SOD2: variants seen among roughly 807,000 people sequenced by gnomAD.
SOD2 encodes the protein superoxide dismutase 2, also known as superoxide dismutase [Mn], mitochondrial.
SOD2 carries 11 observed loss-of-function variants against 27.0 expected under a neutral mutation model. The observed-to-expected ratio is 0.41, with a 90% CI of 0.26 to 0.67. SOD2 has a LOEUF of 0.67. Ranked by LOEUF, SOD2 falls within the 30% of genes least tolerant of loss-of-function variation. SOD2 has a pLI of 0.34. For missense variants in SOD2, 250 were observed against 274.5 expected (o/e 0.91, Z 0.63); for synonymous variants, 105 against 103.0 (o/e 1.02, Z -0.12).
In SOD2 at chr6:159,673,362, C is replaced by T. The variant is rs1256967826; in HGVS notation, c.*9131G>A. 6.6e-6 allele frequency: 1 copy of T among 152,164 alleles called. No homozygotes were observed. Among genetic ancestry groups the T allele is most frequent in the African/African-American group, 2.4e-5 (1 of 41,444 alleles). The allele number at this position is 152,164 out of a possible 1,614,324, so 9.4% of individuals were successfully genotyped here. ...ACATAGTTGGAAGTAAAGCACTCCT[C>T]AGCAAATGTAAAAGAACAGAAATTA... On this transcript the variant is annotated 3_prime_UTR_variant, in exon 5 of 5. Transcript: ENST00000538183.
rs1219697493 is a variant in SOD2, at chr6:159,672,749, C to A, written c.*9744G>T. On this transcript the variant is annotated 3_prime_UTR_variant, in exon 5 of 5. Coordinates refer to ENST00000538183, the MANE Select transcript of SOD2 (RefSeq NM_000636.4). ...TCAAATTCACACATAACAATATTAA[C>A]CTTAAATGTAAATGGGCTAAATGCT... The A allele has an allele frequency of 6.6e-6, 1 of 152,072 alleles. No individual in the cohort carries two copies. The highest frequency in any genetic ancestry group is 2.4e-5 in the African/African-American group (1 of 41,402). 9.4% of individuals were successfully genotyped at this position (152,072 alleles called of 1,614,324 possible). A position where few individuals can be genotyped will look rare whatever the true frequency, so the allele number is the denominator to read the frequency against.
In SOD2 at chr6:159,684,905, G is replaced by A. The variant is rs1176281575; in HGVS notation, c.472C>T (p.His158Tyr). The A allele has an allele frequency of 1.2e-6, 2 of 1,613,230 alleles. No homozygotes were observed. Among genetic ancestry groups the A allele is most frequent in the Admixed American group, 3.3e-5 (2 of 59,908 alleles). ...GWLGFNKERG[H>Y]LQIAACPNQD... Reference sequence around the variant, plus strand: ...TTTGGACAAGCAGCAATTTGTAAGTGTCCCCGTTCCTTATTGAAACCAAGC... The same window carrying A: ...TTTGGACAAGCAGCAATTTGTAAGTATCCCCGTTCCTTATTGAAACCAAGC... The change falls in exon 4 of 5, where the codon CAC becomes TAC. Residue 158 changes from histidine (H) to tyrosine (Y), a missense_variant. Coordinates refer to ENST00000538183, the MANE Select transcript of SOD2 (RefSeq NM_000636.4).
chr6:159,681,768 C>T lies in SOD2; in HGVS notation c.*725G>A, dbSNP rs1349430956. On this transcript the variant is annotated 3_prime_UTR_variant, in exon 5 of 5. Transcript: ENST00000538183. ...TTACCACTGCCTTTAAATACTCTAG[C>T]TTGTAGGTCATCATGGAGATTGGGT... 6.6e-6 allele frequency: 1 copy of T among 152,240 alleles called. No homozygotes were observed. Among genetic ancestry groups the T allele is most frequent in the Non-Finnish European group, 1.5e-5 (1 of 68,062 alleles). 9.4% of individuals were successfully genotyped at this position (152,240 alleles called of 1,614,324 possible). A position where few individuals can be genotyped will look rare whatever the true frequency, so the allele number is the denominator to read the frequency against.
At chr6:159,687,055 A>G (rs904723919) in intron 3 of SOD2, among the ~76,000 whole-genome samples, 1 of 152,256 alleles carries the variant, frequency 6.6e-6, no homozygotes, top group Non-Finnish European at 1.5e-5. Flanking sequence ...ATCAGTTAGG[A>G]AAGAGTGAAA....
At chr6:159,708,911 A>C (rs1484988939) in intron 1 of SOD2, among the ~76,000 whole-genome samples, 1 of 152,220 alleles carries the variant, frequency 6.6e-6, no homozygotes, top group African/African-American at 2.4e-5. Context: ...CTGGTACCAA[A>C]ACAGAGATAT....
At chr6:159,711,781 CCACTCACATTGCTCTGAT>C (rs546357348) in intron 1 of SOD2, among the ~76,000 whole-genome samples, 860 of 52,318 alleles carry the variant, frequency 0.016, 1 homozygote, top group South Asian at 0.032. Context: ...TCCATAACCA[CCACTCACATTGCTCTGAT>C]CACCATAACC....
At chr6:159,731,587 A>G (rs1778573124), upstream of SOD2, among the ~76,000 whole-genome samples, 1 of 152,376 alleles carries the variant, frequency 6.6e-6, no homozygotes, top group South Asian at 2.1e-4. Flanking sequence ...TATGATTATT[A>G]TCCTCAACCT....
At chr6:159,708,785 G>C (rs1777674818) in intron 1 of SOD2, among the ~76,000 whole-genome samples, 1 of 152,106 alleles carries the variant, frequency 6.6e-6, no homozygotes, top group Non-Finnish European at 1.5e-5. Flanking sequence ...AGTTCACATG[G>C]AACCAAAAAA....
At chr6:159,713,891 C>A in intron 1 of SOD2, 1 of 972,552 alleles carries the variant, frequency 1.0e-6, no homozygotes, top group South Asian at 1.5e-5. Flanking sequence ...TTGTATTTTG[C>A]AATCAGAGAA....
intron 2 of SOD2, 68 bp downstream of exon 2, chr6:159,692,593 T>C: frequency 6.3e-6 from 10 of 1,598,336 alleles, no homozygotes; most frequent in Non-Finnish European, 8.5e-6. Flanking sequence ...GGCCCGTCCG[T>C]ATGGGGCCTG....
chr6:159,762,227 G>A (rs899473075), exon 1 of SOD2: 27 of 1,464,996 alleles, frequency 1.8e-5, no homozygotes, highest in Non-Finnish European at 2.5e-5. Context: ...TGTAGGAGAG[G>A]GGCGTATGTG....
upstream of SOD2, chr6:159,748,374 A>T: frequency 6.2e-7 from 1 of 1,613,552 alleles, no homozygotes; most frequent in Non-Finnish European, 8.5e-7. The surrounding 1 kb of genome is among the most constrained non-coding windows in gnomAD (Gnocchi z 5.6). Flanking sequence ...TGATAGGTAA[A>T]CAAATCATAC....
rs1301421564 is a variant in SOD2 at position 159,677,662 on chromosome 6, C to G, written c.*4831G>C. 1.3e-5 allele frequency: 2 copies of G among 152,164 alleles called. No homozygotes were observed. 9.4% of individuals were successfully genotyped at this position (152,164 alleles called of 1,614,324 possible). ...TAAGAGACAGGGTCTCACACTGTCA[C>G]CCAGGCTGGAGTGCAGTAGCACAAT... On this transcript the variant is annotated 3_prime_UTR_variant, in exon 5 of 5. Coordinates refer to ENST00000538183, the MANE Select transcript of SOD2 (RefSeq NM_000636.4).
In SOD2 at chr6:159,711,989, G is replaced by A. The variant is rs560831436; in HGVS notation, c.-116+15140C>T. 6.0e-5 allele frequency among the ~76,000 whole-genome samples: 5 copies of A among 83,738 alleles called. 1 individual carries two copies. Among genetic ancestry groups the A allele is most frequent in the African/African-American group, 5.4e-5 (1 of 18,676 alleles). The allele number at this position is 83,738 out of a possible 152,430, so 54.9% of individuals were successfully genotyped here. A position where few individuals can be genotyped will look rare whatever the true frequency, so the allele number is the denominator to read the frequency against. ...CACCTCCATAACCACCACTCACACT[G>A]CTCAGACCTCCATAACCACCTCCAT... On this transcript the variant is annotated intron_variant, in intron 1 of 2. Coordinates refer to the SOD2 transcript ENST00000401980.
intron 2 of SOD2, among the ~76,000 whole-genome samples, chr6:159,689,943 G>C (rs1481740720): frequency 6.6e-6 from 1 of 150,448 alleles, no homozygotes; most frequent in Non-Finnish European, 1.5e-5. Context: ...CTGGGCGACA[G>C]GGCAATACTC....
chr6:159,708,894 C>T (rs1472302786), intron 1 of SOD2, among the ~76,000 whole-genome samples: 1 of 152,192 alleles, frequency 6.6e-6, no homozygotes. Context: ...ACCAAAACAG[C>T]ATAGTACTGG....
intron 1 of SOD2, among the ~76,000 whole-genome samples, chr6:159,714,309 C>T (rs1562440010): frequency 6.6e-6 from 1 of 152,158 alleles, no homozygotes. Context: ...CTCCAGAAAC[C>T]CAATGACCTT....
At chr6:159,733,672 G>A (rs1184037052) in intron 1 of SOD2, among the ~76,000 whole-genome samples, 2 of 151,344 alleles carry the variant, frequency 1.3e-5, no homozygotes, top group Non-Finnish European at 2.9e-5. Flanking sequence ...CCCAGCACTT[G>A]GGAGGCTGAG....
chr6:159,675,883 A>G lies in SOD2; in HGVS notation c.*6610T>C, dbSNP rs1274143077. 6.6e-6 allele frequency: 1 copy of G among 152,330 alleles called. No individual in the cohort carries two copies. Among genetic ancestry groups the G allele is most frequent in the East Asian group, 1.9e-4 (1 of 5,192 alleles). 9.4% of individuals were successfully genotyped at this position (152,330 alleles called of 1,614,324 possible). On this transcript the variant is annotated 3_prime_UTR_variant, in exon 5 of 5. Transcript: ENST00000538183. ...GGGCTAATATCCAGAATCTACAAGG[A>G]ACTCAAACAAACTTACAAGAAAAAA...
Sources: allele counts gnomAD v4.1 joint callset (sites outside exome capture counted in the v4.1 genomes callset), GRCh38; gene constraint gnomAD v4.1.1; non-coding constraint Gnocchi (gnomAD v3.1); transcripts MANE v1.5; gene names NCBI Gene and HGNC (gene_info 2026-07-23, HGNC 2026-07-21).